The following ARHGEF7 variants were observed in gnomAD, a reference collection of about 807,000 sequenced individuals.
The protein encoded by ARHGEF7 is Rho guanine nucleotide exchange factor 7.
In ARHGEF7, 33 loss-of-function variants were observed where a neutral mutation model predicts 109.8. That is an observed-to-expected ratio of 0.30 (90% CI 0.23 to 0.40). ARHGEF7 has a LOEUF of 0.40. Ranked by LOEUF, ARHGEF7 falls within the 10% of genes least tolerant of loss-of-function variation. The pLI is 1.00. For synonymous variants in ARHGEF7, 458 were observed against 424.6 expected, an observed-to-expected ratio of 1.08 and a Z score of -0.97; for missense variants, 938 against 1,098.5, an observed-to-expected ratio of 0.85 and a Z score of 2.07.
chr13:111,286,046 TA>T, intron 16 of ARHGEF7, 100 bp from the exon 17 acceptor site: 7 of 825,306 alleles, frequency 8.5e-6, no homozygotes, highest in Non-Finnish European at 1.4e-5. Context: ...TCAGTGGCTA[TA>T]ATAATTTGGG....
chr13:111,118,308 T>C (rs2066941334), intron 1 of ARHGEF7, among the ~76,000 whole-genome samples: 1 of 152,270 alleles, frequency 6.6e-6, no homozygotes, highest in Non-Finnish European at 1.5e-5. Context: ...GTCAGATTCT[T>C]CTGCTCATTT....
At chr13:111,154,468 G>A (rs1260621324) in intron 2 of ARHGEF7, among the ~76,000 whole-genome samples, 4 of 152,172 alleles carry the variant, frequency 2.6e-5, no homozygotes, top group Non-Finnish European at 5.9e-5. Context: ...CCCTCCGCCT[G>A]CTTCTCCCAG....
chr13:111,205,345 C>T lies in ARHGEF7; in HGVS notation c.309C>T (p.Ser103=). The T allele has an allele frequency of 6.2e-7, 1 of 1,600,536 alleles. No homozygotes were observed. ...AGAATTTTAACAAGGTCCTCAGTTC[C>T]TTAGTGACTCTAAATAAAGTAACAG... ...QGQNFNKVLS[S]LVTLNKVTAD... is the part of the protein sequence containing the mutation. The change falls in exon 3 of 22, where the codon TCC becomes TCT. Residue 103 remains serine (S), a synonymous_variant. Transcript: ENST00000646102.
At chr13:111,125,411 TCA>T (rs2067495372) in intron 1 of ARHGEF7, among the ~76,000 whole-genome samples, 2 of 150,822 alleles carry the variant, frequency 1.3e-5, no homozygotes, top group African/African-American at 4.9e-5. Context: ...GGGCTGGTGA[TCA>T]TCCTATCTTT....
chr13:111,130,807 C>T (rs913110880), intron 1 of ARHGEF7, among the ~76,000 whole-genome samples: 2 of 152,178 alleles, frequency 1.3e-5, no homozygotes, highest in African/African-American at 4.8e-5. Flanking sequence ...GAAGGCTGTC[C>T]TCAAGAAGTG....
rs1440945355 is a variant in ARHGEF7 at position 111,302,996 on chromosome 13, C to G, written c.2472C>G (p.Asn824Lys). The G allele has an allele frequency of 1.2e-6, 2 of 1,613,900 alleles. No homozygotes were observed. Among genetic ancestry groups the G allele is most frequent in the African/African-American group, 2.7e-5 (2 of 74,908 alleles). ...KDEVQELRQD[N>K]KKMKKSLEEE... is the part of the protein sequence containing the mutation. ...GTGGTCTGCTTAATTTACAGGACAA[C>G]AAAAAGATGAAGAAATCTCTAGAGG... Residue 824 changes from asparagine (N) to lysine (K), a missense_variant, in exon 22 of 22, where the codon AAC becomes AAG. Transcript: ENST00000646102.
chr13:111,129,068 GA>G (rs369262258), intron 1 of ARHGEF7, among the ~76,000 whole-genome samples: 25 of 152,238 alleles, frequency 1.6e-4, no homozygotes, highest in African/African-American at 6.0e-4. Context: ...TAAAGACATA[GA>G]CAACTGATTT....
rs2075566542 is a variant in ARHGEF7, at chr13:111,145,930, T to C, written c.166-7975T>C. 6.6e-6 allele frequency among the ~76,000 whole-genome samples: 1 copy of C among 152,226 alleles called. No homozygotes were observed. The highest frequency in any genetic ancestry group is 2.4e-5 in the African/African-American group (1 of 41,464). On this transcript the variant is annotated intron_variant, in intron 1 of 21. Coordinates refer to ENST00000646102, the MANE Select transcript of ARHGEF7 (RefSeq NM_001354046.2). The surrounding 1 kb of genome is among the most constrained non-coding windows in gnomAD (Gnocchi z 4.3). ...AGCTAAGGTTCTTTGTTTCACTTAC[T>C]CCGTGATGAGTGGATTTGGTGACCT...
At chr13:111,283,512 T>A (rs2092882500) in intron 16 of ARHGEF7, 149 bp downstream of exon 16, 1 of 1,322,050 alleles carries the variant, frequency 7.6e-7, no homozygotes, top group East Asian at 2.5e-5. Context: ...GGTTCTCTGG[T>A]TATCTGCTCT....
chr13:111,286,510 G>A (rs1595539846), intron 17 of ARHGEF7, among the ~76,000 whole-genome samples: 1 of 152,186 alleles, frequency 6.6e-6, no homozygotes, highest in Non-Finnish European at 1.5e-5. Flanking sequence ...GCCGGACCTG[G>A]AGGGCTCTCC....
chr13:111,153,873 A>G, intron 1 of ARHGEF7, 32 bp from the exon 2 acceptor site: 2 of 1,581,094 alleles, frequency 1.3e-6, no homozygotes, highest in African/African-American at 1.4e-5. Context: ...GCTGCCGGCC[A>G]CGGCGCTCAG....
At position 111,303,102 on chromosome 13, in the gene ARHGEF7, A is replaced by G. The variant is rs770092663; in HGVS notation, c.2578A>G (p.Thr860Ala). The G allele has an allele frequency of 6.2e-7, 1 of 1,613,396 alleles. No individual in the cohort carries two copies. Residue 860 changes from threonine (T) to alanine (A), a missense_variant, in exon 22 of 22, where the codon ACC (threonine) becomes GCC (alanine). Around this residue, in one of 4 missense-constraint regions of ARHGEF7, gnomAD observed 166 missense variants for 167.3 expected, o/e 0.99. Transcript: ENST00000646102. Reference sequence around the variant, plus strand: ...CATGAATGATCCTGCCTGGGATGAGACCAATCTATAAGGGATGTCCTCAGT... The same window carrying G: ...CATGAATGATCCTGCCTGGGATGAGGCCAATCTATAAGGGATGTCCTCAGT... ...KNMNDPAWDETNL is the reference protein window; with the variant it reads ...KNMNDPAWDEANL
chr13:111,176,865 T>C (rs1594321135), intron 2 of ARHGEF7, among the ~76,000 whole-genome samples: 1 of 152,352 alleles, frequency 6.6e-6, no homozygotes, highest in African/African-American at 2.4e-5. Context: ...CAAGCGATTC[T>C]CCTGCCTCAG....
chr13:111,135,045 G>A (rs574498305), intron 1 of ARHGEF7, among the ~76,000 whole-genome samples: 10 of 152,194 alleles, frequency 6.6e-5, no homozygotes, highest in South Asian at 4.1e-4. Flanking sequence ...AGCACCATTT[G>A]TTAAATAGGG....
At chr13:111,270,085 G>A (rs1407491866) in intron 9 of ARHGEF7, among the ~76,000 whole-genome samples, 1 of 152,222 alleles carries the variant, frequency 6.6e-6, no homozygotes, top group Non-Finnish European at 1.5e-5. Context: ...CCCTGCGAGC[G>A]CAGAATGCCA....
intron 6 of ARHGEF7, among the ~76,000 whole-genome samples, chr13:111,236,430 T>G (rs2153532678): frequency 6.6e-6 from 1 of 152,312 alleles, no homozygotes; most frequent in Middle Eastern, 3.4e-3. Context: ...ACTGGATATC[T>G]TAGACCTATT....
Position 111,132,886 on chromosome 13 carries a change from T to A in ARHGEF7, c.165+17195T>A, listed in dbSNP as rs2074836633. Among the ~76,000 whole-genome samples the A allele has an allele frequency of 3.3e-5, 5 of 151,772 alleles. No individual in the cohort carries two copies. The South Asian group carries it at 8.3e-4, about 25-fold the overall frequency. ...GTTATTGGGAGTAGGGGTAGGGATA[T>A]TGAGGGAAGGGAGAATGATATACAC... On this transcript the variant is annotated intron_variant, in intron 1 of 21. Transcript: ENST00000646102.
At chr13:111,189,874 C>T (rs1002899655) in intron 2 of ARHGEF7, among the ~76,000 whole-genome samples, 2 of 152,148 alleles carry the variant, frequency 1.3e-5, no homozygotes, top group East Asian at 1.9e-4. Flanking sequence ...GTTTACAATC[C>T]TTTAGCTAGA....
intron 2 of ARHGEF7, among the ~76,000 whole-genome samples, chr13:111,161,292 G>A (rs2076721765): frequency 6.6e-6 from 1 of 151,972 alleles, no homozygotes; most frequent in Non-Finnish European, 1.5e-5. Context: ...TTTGATTCAG[G>A]GTTATTGCTC....
Sources: gnomAD v4.1 joint callset for allele counts (sites outside exome capture counted in the v4.1 genomes callset) on GRCh38, gnomAD v4.1.1 for gene constraint, gnomAD v4.1.1 regional missense constraint, Gnocchi (gnomAD v3.1) non-coding constraint, MANE v1.5 for transcripts, NCBI Gene and HGNC (gene_info 2026-07-23, HGNC 2026-07-21) for gene names.